The following PRKN variants were observed in gnomAD, a reference collection of about 807,000 sequenced individuals.
PRKN encodes parkin RBR E3 ubiquitin protein ligase, also known as E3 ubiquitin-protein ligase parkin.
A neutral mutation model predicts 59.5 loss-of-function variants in PRKN; 56 were observed. That is an observed-to-expected ratio of 0.94 (90% CI 0.76 to 1.18). The LOEUF (loss-of-function observed/expected upper bound fraction) is 1.18. PRKN is among the 50% of genes most tolerant of loss of function. The pLI is 0.00. For synonymous variants in PRKN, 250 were observed against 222.1 expected (o/e 1.13, Z -1.12); for missense variants, 657 against 596.4 (o/e 1.10, Z -1.06).
At chr6:162,262,798 A>AG in intron 2 of PRKN, 33 bp from the exon 3 acceptor site, 1 of 1,600,660 alleles carries the variant, frequency 6.2e-7, no homozygotes, top group South Asian at 1.1e-5. Flanking sequence ...AAAAAAAAAA[A>AG]AAAAAGGAAA....
In PRKN at chr6:162,216,536, C is replaced by CAAAAA. The variant is rs35025497; in HGVS notation, c.413-15289_413-15285dup. Among the ~76,000 whole-genome samples the CAAAAA allele has an allele frequency of 8.6e-3, 302 of 34,954 alleles. 7 individuals are homozygous for CAAAAA. Among genetic ancestry groups the CAAAAA allele is most frequent in the African/African-American group, 0.016 (209 of 12,982 alleles). The allele number at this position is 34,954 out of a possible 152,430, so 22.9% of individuals were successfully genotyped here. A position where few individuals can be genotyped will look rare whatever the true frequency, so the allele number is the denominator to read the frequency against. ...TGGGCGACAGAGCGAGACTCCGTCT[C>CAAAAA]AAAAAAAAAAAAAAAAAAAAAAAAA... On this transcript the variant is annotated intron_variant, in intron 3 of 11. Transcript: ENST00000366898.
chr6:162,587,338 G>C (rs879931884), intron 1 of PRKN, among the ~76,000 whole-genome samples: 22 of 152,096 alleles, frequency 1.4e-4, no homozygotes, highest in Non-Finnish European at 2.6e-4. Context: ...GTTTCACTAT[G>C]TTGGCCAGGC....
chr6:162,642,729 T>C (rs1190647605), intron 1 of PRKN, among the ~76,000 whole-genome samples: 1 of 151,870 alleles, frequency 6.6e-6, no homozygotes, highest in Admixed American at 6.6e-5. Context: ...AAAAGTTATA[T>C]AACTTTTTTC....
chr6:162,419,515 C>T (rs563891580), intron 2 of PRKN, among the ~76,000 whole-genome samples: 101 of 146,494 alleles, frequency 6.9e-4, no homozygotes, highest in Middle Eastern at 6.9e-3. Context: ...AACTGAGGCA[C>T]ACTAAGGTTG....
chr6:162,157,156 G>C (rs1343966908), intron 4 of PRKN, among the ~76,000 whole-genome samples: 1 of 150,710 alleles, frequency 6.6e-6, no homozygotes, highest in African/African-American at 2.4e-5. Context: ...CCTAATCTCG[G>C]ATTACCTTCC....
intron 4 of PRKN, among the ~76,000 whole-genome samples, chr6:162,168,929 T>C (rs1425168604): frequency 1.3e-5 from 2 of 152,176 alleles, no homozygotes; most frequent in African/African-American, 4.8e-5. Flanking sequence ...TAAAAGCTTA[T>C]TGTTACCCAT....
At chr6:162,437,416 C>T (rs532413798) in intron 2 of PRKN, among the ~76,000 whole-genome samples, 2 of 152,168 alleles carry the variant, frequency 1.3e-5, no homozygotes, top group South Asian at 2.1e-4. Context: ...TAAGAGATAG[C>T]AGAGAAAGAT....
chr6:162,071,887 G>A (rs1035091182), intron 4 of PRKN, among the ~76,000 whole-genome samples: 2 of 151,888 alleles, frequency 1.3e-5, no homozygotes, highest in African/African-American at 4.8e-5. Context: ...TTGAGCCACC[G>A]CACCCAACCT....
chr6:162,206,962 T>C (rs1784972914), intron 3 of PRKN, among the ~76,000 whole-genome samples: 1 of 152,174 alleles, frequency 6.6e-6, no homozygotes, highest in Non-Finnish European at 1.5e-5. Flanking sequence ...AGGTATTCAT[T>C]AGTTCTAGTT....
chr6:161,830,252 T>C (rs1792430145), intron 6 of PRKN, among the ~76,000 whole-genome samples: 1 of 145,402 alleles, frequency 6.9e-6, no homozygotes, highest in Non-Finnish European at 1.5e-5. Flanking sequence ...TTTTTTTTGT[T>C]TTTTGTTTTT....
rs116994728 is a variant in PRKN, at chr6:162,547,018, T to C, written c.8-103545A>G. Among the ~76,000 whole-genome samples the C allele has an allele frequency of 3.6e-4, 55 of 152,330 alleles. 1 individual carries two copies. The East Asian group carries it at 9.6e-3, about 27-fold the overall frequency. ...GTTTCCACCAAGGGGCTTGCTATTC[T>C]ACTATTGCTTAGAGCTTCGGGTGTC... On this transcript the variant is annotated intron_variant, in intron 1 of 11. Coordinates refer to ENST00000366898, the MANE Select transcript of PRKN (RefSeq NM_004562.3).
chr6:161,774,215 C>G lies in PRKN; in HGVS notation c.871+11557G>C, dbSNP rs1789814736. The stretch of plus-strand genomic sequence containing the variant: ...TGAAGTCACTTGATTGAGTGTTGTT[C>G]CTGTTGCAAGCAGGGAGAGGAAAGC... On this transcript the variant is annotated intron_variant, in intron 7 of 11. Coordinates refer to ENST00000366898, the MANE Select transcript of PRKN (RefSeq NM_004562.3). Among the ~76,000 whole-genome samples, 8 of 152,130 alleles carry G rather than the reference C, an allele frequency of 5.3e-5. No individual in the cohort carries two copies. In the South Asian group the frequency reaches 1.7e-3, roughly 32 times the overall value.
chr6:162,103,623 GAA>G (rs199818629), intron 4 of PRKN, among the ~76,000 whole-genome samples: 2 of 139,788 alleles, frequency 1.4e-5, no homozygotes, highest in African/African-American at 5.2e-5. Context: ...TTTAACTTCT[GAA>G]AAAAAAAAAA....
At chr6:162,571,996 AAC>A (rs1780351546) in intron 1 of PRKN, among the ~76,000 whole-genome samples, 1 of 152,086 alleles carries the variant, frequency 6.6e-6, no homozygotes, top group African/African-American at 2.4e-5. Context: ...AAAAAAAACA[AAC>A]AGACATTCCA....
chr6:162,648,391 T>TTG (rs1778281640), intron 1 of PRKN, among the ~76,000 whole-genome samples: 4 of 150,632 alleles, frequency 2.7e-5, no homozygotes, highest in Non-Finnish European at 5.9e-5. Context: ...TTTCTTTTTT[T>TTG]ATTTTTTTAA....
At chr6:161,869,265 G>C (rs545450988) in intron 6 of PRKN, among the ~76,000 whole-genome samples, 5 of 152,202 alleles carry the variant, frequency 3.3e-5, no homozygotes, top group Admixed American at 2.6e-4. Context: ...TGTAATCCCA[G>C]CTACTCATGA....
chr6:161,900,914 A>G (rs1207932231), intron 6 of PRKN, among the ~76,000 whole-genome samples: 2 of 125,602 alleles, frequency 1.6e-5, no homozygotes, highest in African/African-American at 3.1e-5. Flanking sequence ...GTTAAATTGT[A>G]TATATATATA....
chr6:162,445,689 TA>T (rs71004091), intron 1 of PRKN, among the ~76,000 whole-genome samples: 14 of 28,748 alleles, frequency 4.9e-4, no homozygotes, highest in Non-Finnish European at 7.6e-4. Flanking sequence ...AGACCTTGTC[TA>T]AAAAAAAAAA....
chr6:161,598,309 A>G (rs1781987811), intron 7 of PRKN, among the ~76,000 whole-genome samples: 1 of 152,222 alleles, frequency 6.6e-6, no homozygotes, highest in Non-Finnish European at 1.5e-5. Context: ...TATCAGCATG[A>G]AAGTCTGATA....
Sources: allele counts gnomAD v4.1 joint callset (sites outside exome capture counted in the v4.1 genomes callset), GRCh38; gene constraint gnomAD v4.1.1; transcripts MANE v1.5; gene names NCBI Gene and HGNC (gene_info 2026-07-23, HGNC 2026-07-21).